The following INSL6 variants were observed in gnomAD, a reference collection of about 807,000 sequenced individuals.
INSL6 encodes the protein insulin-like peptide INSL6.
INSL6 carries 16 observed loss-of-function variants against 9.4 expected under a neutral mutation model. That is an observed-to-expected ratio of 1.70 (90% CI 1.15 to 2.59). INSL6 has a LOEUF of 2.59. INSL6 is among the 30% of genes most tolerant of loss of function. INSL6 has a pLI of 0.00. For missense variants in INSL6, 391 were observed against 257.3 expected (o/e 1.52, Z -3.56); for synonymous variants, 154 against 96.9 (o/e 1.59, Z -3.46).
At chr9:5,162,036 A>G (rs1824938899), downstream of INSL6, among the ~76,000 whole-genome samples, 1 of 152,060 alleles carries the variant, frequency 6.6e-6, no homozygotes, top group Non-Finnish European at 1.5e-5. Context: ...CTGTGATCAC[A>G]CTACTGCATT....
chr9:5,012,536 ACTT>A, the INSL6 span, among the ~76,000 whole-genome samples: 4 of 152,156 alleles, frequency 2.6e-5, no homozygotes, highest in Admixed American at 2.6e-4. Flanking sequence ...ATTTTTCTGA[ACTT>A]CTCATTAAGG....
the INSL6 span, among the ~76,000 whole-genome samples, chr9:5,012,763 G>C: frequency 6.6e-6 from 1 of 152,176 alleles, no homozygotes; most frequent in Admixed American, 6.5e-5. Context: ...TAATTTAGTA[G>C]TGGAAAGAGC....
chr9:5,054,289 C>T, the INSL6 span, among the ~76,000 whole-genome samples: 21 of 151,962 alleles, frequency 1.4e-4, no homozygotes. The surrounding 1 kb of genome is among the most constrained non-coding windows in gnomAD (Gnocchi z 4.9). Context: ...ATTAACTAGA[C>T]TGAGGATTCA....
intron 1 of INSL6, among the ~76,000 whole-genome samples, chr9:5,184,043 G>A (rs1029258075): frequency 6.6e-6 from 1 of 152,130 alleles, no homozygotes. Flanking sequence ...GTTTGTATGT[G>A]GGTTAGTTTG....
chr9:5,058,355 C>A, the INSL6 span, among the ~76,000 whole-genome samples: 3 of 152,160 alleles, frequency 2.0e-5, no homozygotes, highest in African/African-American at 7.2e-5. Flanking sequence ...GAAGCCATGT[C>A]TTACATGGCA....
At chr9:5,148,698 A>G (rs887524549) in intron 2 of INSL6, among the ~76,000 whole-genome samples, 1 of 151,622 alleles carries the variant, frequency 6.6e-6, no homozygotes, top group Non-Finnish European at 1.5e-5. Flanking sequence ...CTGGCTTGGC[A>G]CTCCTGAGCT....
the INSL6 span, among the ~76,000 whole-genome samples, chr9:5,002,405 G>C: frequency 8.5e-4 from 129 of 151,996 alleles, no homozygotes; most frequent in Non-Finnish European, 1.7e-3. Context: ...GGATTATTTA[G>C]AACTATGTTA....
chr9:4,998,191 G>A, the INSL6 span, among the ~76,000 whole-genome samples: 1 of 152,116 alleles, frequency 6.6e-6, no homozygotes, highest in East Asian at 1.9e-4. Context: ...AAATGTCTTG[G>A]TAATACAGGC....
the INSL6 span, among the ~76,000 whole-genome samples, chr9:5,068,469 G>C: frequency 6.6e-6 from 1 of 152,206 alleles, no homozygotes; most frequent in African/African-American, 2.4e-5. Context: ...GGACCTCTTA[G>C]AAACAGTGGT....
intron 2 of INSL6, among the ~76,000 whole-genome samples, chr9:5,139,679 G>A (rs1170310044): frequency 6.6e-6 from 1 of 152,162 alleles, no homozygotes; most frequent in Non-Finnish European, 1.5e-5. Flanking sequence ...TGAGCTATCT[G>A]AAGAAGCTAA....
the INSL6 span, among the ~76,000 whole-genome samples, chr9:5,038,805 C>CTA: frequency 1.3e-5 from 2 of 152,038 alleles, no homozygotes; most frequent in African/African-American, 4.8e-5. Flanking sequence ...AGATGAAATA[C>CTA]TATGACCAGG....
At chr9:5,155,881 C>G (rs989886945) in intron 2 of INSL6, among the ~76,000 whole-genome samples, 1 of 151,658 alleles carries the variant, frequency 6.6e-6, no homozygotes, top group Non-Finnish European at 1.5e-5. Flanking sequence ...AACAAACCTG[C>G]ATGTTCTGCA....
At chr9:5,116,025 T>C in the INSL6 span, among the ~76,000 whole-genome samples, 1 of 152,082 alleles carries the variant, frequency 6.6e-6, no homozygotes, top group Non-Finnish European at 1.5e-5. Flanking sequence ...ACCTGCACCT[T>C]CTGCACATGT....
the INSL6 span, chr9:5,099,217 G>C: frequency 3.3e-5 from 5 of 152,102 alleles, no homozygotes; most frequent in African/African-American, 1.2e-4. Flanking sequence ...TGGGCGACCA[G>C]GTCTTTACTA....
At chr9:5,141,953 G>A (rs1345268549) in intron 2 of INSL6, among the ~76,000 whole-genome samples, 2 of 150,652 alleles carry the variant, frequency 1.3e-5, no homozygotes, top group African/African-American at 4.8e-5. Flanking sequence ...GTTATCCCAG[G>A]AGGATTTATT....
the INSL6 span, among the ~76,000 whole-genome samples, chr9:5,065,224 TG>T: frequency 6.6e-6 from 1 of 152,244 alleles, no homozygotes; most frequent in Non-Finnish European, 1.5e-5. Flanking sequence ...ATTTACCATC[TG>T]TATCCCAATC....
chr9:5,173,945 T>A (rs1003724236), intron 1 of INSL6, among the ~76,000 whole-genome samples: 1 of 152,142 alleles, frequency 6.6e-6, no homozygotes, highest in African/African-American at 2.4e-5. Flanking sequence ...AGAACTTGCA[T>A]CGACTCCCTT....
the INSL6 span, among the ~76,000 whole-genome samples, chr9:5,017,202 C>T: frequency 2.0e-5 from 3 of 151,936 alleles, no homozygotes; most frequent in African/African-American, 7.3e-5. Context: ...AGAGTGAGGG[C>T]AACATATTTT....
At chr9:5,040,208 T>C in the INSL6 span, among the ~76,000 whole-genome samples, 3 of 152,094 alleles carry the variant, frequency 2.0e-5, no homozygotes, top group African/African-American at 4.8e-5. Context: ...GGGCATAGAA[T>C]AGTCTTTTAA....
Sources: gnomAD v4.1 joint callset for allele counts (sites outside exome capture counted in the v4.1 genomes callset) on GRCh38, gnomAD v4.1.1 for gene constraint, Gnocchi (gnomAD v3.1) non-coding constraint, MANE v1.5 for transcripts, NCBI Gene and HGNC (gene_info 2026-07-23, HGNC 2026-07-21) for gene names.